Variants in ABLIM2 observed in about 807,000 individuals in gnomAD.
ABLIM2 encodes actin-binding LIM protein 2.
In ABLIM2, 53 loss-of-function variants were observed where a neutral mutation model predicts 97.7. That is an observed-to-expected ratio of 0.54 (90% CI 0.44 to 0.68). The LOEUF is 0.68. Ranked by LOEUF, ABLIM2 falls within the 30% of genes least tolerant of loss-of-function variation. ABLIM2 has a pLI of 0.00. For synonymous variants in ABLIM2, 361 were observed against 345.8 expected, an observed-to-expected ratio of 1.04 and a Z score of -0.49; for missense variants, 835 against 867.2, an observed-to-expected ratio of 0.96 and a Z score of 0.47.
rs1332907306 is a variant in ABLIM2 at position 8,007,901 on chromosome 4, A to AT, written c.1618+157dup. On this transcript the variant is annotated intron_variant, in intron 16 of 20. Transcript: ENST00000447017. ...GAAGCCGGCAAACTGCAAAAGCCCC[A>AT]TATTTCCTTCCGGTCGGTCCTTAGA... is the stretch of plus-strand genomic sequence containing the variant. The AT allele has an allele frequency of 1.3e-5, 19 of 1,451,828 alleles. No individual in the cohort carries two copies. The African/African-American group carries it at 2.6e-4, about 19-fold the overall frequency. The allele number at this position is 1,451,828 out of a possible 1,614,324, so 89.9% of individuals were successfully genotyped here. A position where few individuals can be genotyped will look rare whatever the true frequency, so the allele number is the denominator to read the frequency against.
intron 1 of ABLIM2, among the ~76,000 whole-genome samples, chr4:8,111,854 G>C (rs113176492): frequency 4.0e-5 from 6 of 149,122 alleles, no homozygotes; most frequent in Non-Finnish European, 1.5e-5. Context: ...TGAAACCCGG[G>C]AGGCAGAGGT....
At chr4:8,051,085 G>A (rs997419866) in intron 8 of ABLIM2, among the ~76,000 whole-genome samples, 1 of 152,246 alleles carries the variant, frequency 6.6e-6, no homozygotes, top group Non-Finnish European at 1.5e-5. Flanking sequence ...TGTTGCTGCC[G>A]CCTGGCCAGT....
At position 8,003,548 on chromosome 4, in the gene ABLIM2, TTCTTCCAGTTTTC is replaced by T. The variant is rs1306589513; in HGVS notation, c.1618+4498_1618+4510del. ...CCACTGTCTCTGGACCACTACGCTC[TTCTTCCAGTTTTC>T]TTTTTTTTTTTTTTTTTTTTTGGAG... On this transcript the variant is annotated intron_variant, in intron 16 of 20. Coordinates refer to ENST00000447017, the MANE Select transcript of ABLIM2 (RefSeq NM_001130083.2). The surrounding 1 kb of genome is among the most constrained non-coding windows in gnomAD (Gnocchi z 4.2). 6.6e-6 allele frequency among the ~76,000 whole-genome samples: 1 copy of T among 151,432 alleles called. No individual in the cohort carries two copies. The highest frequency in any genetic ancestry group is 1.9e-4 in the East Asian group (1 of 5,182).
intron 1 of ABLIM2, among the ~76,000 whole-genome samples, chr4:8,154,529 C>G (rs1453879853): frequency 2.0e-5 from 3 of 152,092 alleles, no homozygotes; most frequent in African/African-American, 7.2e-5. Context: ...ATCCACCCGC[C>G]TCGGCCTCCC....
At chr4:8,077,420 C>T (rs886125818) in intron 6 of ABLIM2, among the ~76,000 whole-genome samples, 2 of 152,232 alleles carry the variant, frequency 1.3e-5, no homozygotes, top group Non-Finnish European at 2.9e-5. Context: ...AAGAGAGCAT[C>T]ACAAGGCAGG....
intron 17 of ABLIM2, among the ~76,000 whole-genome samples, chr4:7,987,190 C>T (rs527463535): frequency 6.6e-6 from 1 of 152,108 alleles, no homozygotes; most frequent in African/African-American, 2.4e-5. Flanking sequence ...GTTGCCCTGG[C>T]TGGTCTTAAA....
In ABLIM2 at chr4:8,069,730, A is replaced by G. The variant is rs967020791; in HGVS notation, c.675+7898T>C. ...GTTGCTATGTGCAGTCTCTGTGTCC[A>G]TGTGTCCTTGTGTTGTCTGTGTACG... is the stretch of plus-strand genomic sequence containing the variant. On this transcript the variant is annotated intron_variant, in intron 6 of 20. Coordinates refer to ENST00000447017, the MANE Select transcript of ABLIM2 (RefSeq NM_001130083.2). The surrounding 1 kb of genome is among the most constrained non-coding windows in gnomAD (Gnocchi z 4.2). Among the ~76,000 whole-genome samples, 2 of 147,794 alleles carry G rather than the reference A, an allele frequency of 1.4e-5. No individual in the cohort carries two copies. Among genetic ancestry groups the G allele is most frequent in the African/African-American group, 5.0e-5 (2 of 39,694 alleles).
In ABLIM2 at chr4:8,113,534, T is replaced by G. The variant is rs1841345178; in HGVS notation, c.11-6897A>C. On this transcript the variant is annotated intron_variant, in intron 1 of 20. Coordinates refer to ENST00000447017, the MANE Select transcript of ABLIM2 (RefSeq NM_001130083.2). This position sits in a 1 kb window ranked among gnomAD's most constrained non-coding sequence, Gnocchi z 4.5. ...CCAAAGACCAGCAGCTGTGCTCGCC[T>G]TGTTCTCTTGCTTTCCTCATTTGCT... is the stretch of plus-strand genomic sequence containing the variant. Among the ~76,000 whole-genome samples, 1 of 152,232 alleles carries G rather than the reference T, an allele frequency of 6.6e-6. No homozygotes were observed. Among genetic ancestry groups the G allele is most frequent in the South Asian group, 2.1e-4 (1 of 4,836 alleles).
chr4:7,975,406 G>A (rs1732158560), intron 20 of ABLIM2, among the ~76,000 whole-genome samples: 1 of 152,198 alleles, frequency 6.6e-6, no homozygotes, highest in Non-Finnish European at 1.5e-5. Flanking sequence ...CAGAGTGGAA[G>A]AGGATGATCA....
At position 8,128,678 on chromosome 4, in the gene ABLIM2, G is replaced by A. The variant is rs947017307; in HGVS notation, c.11-22041C>T. Among the ~76,000 whole-genome samples the A allele has an allele frequency of 4.6e-5, 7 of 152,294 alleles. No individual in the cohort carries two copies. The highest frequency in any genetic ancestry group is 3.4e-3 in the Middle Eastern group (1 of 294). ...GCCACTGCCGTGGATTGAATGTGGTGTCCCCTCCCCAGACTCACATGCTGA... is the reference window on the plus strand; with the variant it reads ...GCCACTGCCGTGGATTGAATGTGGTATCCCCTCCCCAGACTCACATGCTGA... On this transcript the variant is annotated intron_variant, in intron 1 of 20. Coordinates refer to ENST00000447017, the MANE Select transcript of ABLIM2 (RefSeq NM_001130083.2). The surrounding 1 kb of genome is among the most constrained non-coding windows in gnomAD (Gnocchi z 4.9).
chr4:7,983,207 T>C (rs901424739), intron 20 of ABLIM2, 57 bp downstream of exon 20: 1 of 1,538,904 alleles, frequency 6.5e-7, no homozygotes, highest in Non-Finnish European at 8.8e-7. Flanking sequence ...GGAGGAGGCA[T>C]CTGCGGGGAC....
rs1244200689 is a variant in ABLIM2, at chr4:8,072,006, C to G, written c.675+5622G>C. 3 of 985,504 alleles carry G rather than the reference C, an allele frequency of 3.0e-6. No individual in the cohort carries two copies. Among genetic ancestry groups the G allele is most frequent in the Non-Finnish European group, 3.6e-6 (3 of 830,002 alleles). The allele number at this position is 985,504 out of a possible 1,614,324, so 61.0% of individuals were successfully genotyped here. ...CCTTCTGCGGAGCCAGGCTTGTCCC[C>G]GCCCGCAGTTCCCACCTTGCACCCG... is the stretch of plus-strand genomic sequence containing the variant. On this transcript the variant is annotated intron_variant, in intron 6 of 20. Coordinates refer to ENST00000447017, the MANE Select transcript of ABLIM2 (RefSeq NM_001130083.2). This position sits in a 1 kb window ranked among gnomAD's most constrained non-coding sequence, Gnocchi z 5.8.
chr4:8,016,739 G>A (rs1267493466), intron 14 of ABLIM2, among the ~76,000 whole-genome samples: 2 of 152,174 alleles, frequency 1.3e-5, no homozygotes, highest in Admixed American at 6.5e-5. Flanking sequence ...CTCAAGGACC[G>A]CAGAAACCAA....
chr4:8,154,643 T>A (rs1320342924), intron 1 of ABLIM2, among the ~76,000 whole-genome samples: 1 of 152,242 alleles, frequency 6.6e-6, no homozygotes, highest in Non-Finnish European at 1.5e-5. Flanking sequence ...ATGTAGTTAA[T>A]TCTTCATGTG....
intron 14 of ABLIM2, among the ~76,000 whole-genome samples, chr4:8,013,219 C>CTTTTT (rs60424207): frequency 5.4e-5 from 6 of 110,596 alleles, no homozygotes; most frequent in Non-Finnish European, 8.9e-5. Flanking sequence ...AACATTTTTC[C>CTTTTT]TTTTTTTTTT....
intron 12 of ABLIM2, among the ~76,000 whole-genome samples, chr4:8,024,256 A>C (rs1253138095): frequency 4.6e-5 from 7 of 152,150 alleles, no homozygotes; most frequent in Non-Finnish European, 8.8e-5. Flanking sequence ...CTCCCCTCCC[A>C]GCCTGCACTT....
chr4:8,074,089 CAAAAAAAA>C (rs869080154), intron 6 of ABLIM2, among the ~76,000 whole-genome samples: 99 of 45,728 alleles, frequency 2.2e-3, no homozygotes, highest in African/African-American at 8.0e-3. Flanking sequence ...CTCTGTCTCA[CAAAAAAAA>C]AAAAAAAAAA....
intron 20 of ABLIM2, among the ~76,000 whole-genome samples, chr4:7,973,084 T>A (rs1038108336): frequency 1.4e-5 from 2 of 146,154 alleles, no homozygotes; most frequent in African/African-American, 5.3e-5. Flanking sequence ...GCTGTGTGTG[T>A]GTGTGTGTGT....
At chr4:8,063,385 C>T (rs575146664) in intron 6 of ABLIM2, among the ~76,000 whole-genome samples, 15 of 152,366 alleles carry the variant, frequency 9.8e-5, no homozygotes, top group African/African-American at 2.4e-4. Flanking sequence ...GTTTCTAAGA[C>T]GATGGGCTTG....
Sources: allele counts gnomAD v4.1 joint callset (sites outside exome capture counted in the v4.1 genomes callset), GRCh38; gene constraint gnomAD v4.1.1; non-coding constraint Gnocchi (gnomAD v3.1); transcripts MANE v1.5; gene names NCBI Gene and HGNC (gene_info 2026-07-23, HGNC 2026-07-21).